PCDHGA9: variants seen among roughly 807,000 people sequenced by gnomAD.
PCDHGA9 encodes the protein protocadherin gamma-A9.
A neutral mutation model predicts 62.5 loss-of-function variants in PCDHGA9; 37 were observed. That is an observed-to-expected ratio of 0.59 (90% CI 0.46 to 0.78). The LOEUF is 0.78. Ranked by LOEUF, PCDHGA9 falls within the 30% of genes least tolerant of loss-of-function variation. The pLI is 0.00. For synonymous variants in PCDHGA9, 459 were observed against 484.6 expected, an observed-to-expected ratio of 0.95 and a Z score of 0.69; for missense variants, 1,138 against 1,166.2, an observed-to-expected ratio of 0.98 and a Z score of 0.35.
At chr5:141,433,040 A>G in intron 1 of PCDHGA9, 1 of 1,614,086 alleles carries the variant, frequency 6.2e-7, no homozygotes, top group Non-Finnish European at 8.5e-7. Flanking sequence ...TTCCCTCACC[A>G]CGGACTCGCG....
rs895234762 is a variant in PCDHGA9 at position 141,476,911 on chromosome 5, A to G, written c.2425-17896A>G. 4 of 1,613,972 alleles carry G rather than the reference A, an allele frequency of 2.5e-6. No individual in the cohort carries two copies. The African/African-American group carries it at 4.0e-5, about 16-fold the overall frequency. On this transcript the variant is annotated intron_variant, in intron 1 of 3. Transcript: ENST00000573521. This position sits in a 1 kb window ranked among gnomAD's most constrained non-coding sequence, Gnocchi z 7.6. ...CACCCTCCGGCACGCGCGTGGTACA[A>G]GTCCTTGCAACGGATCTGGATGAAG...
At chr5:141,426,004 C>T (rs573455573) in intron 1 of PCDHGA9, among the ~76,000 whole-genome samples, 10 of 152,264 alleles carry the variant, frequency 6.6e-5, no homozygotes, top group Non-Finnish European at 8.8e-5. Flanking sequence ...CAAAGGCTTC[C>T]GGCTGCAGTT....
intron 1 of PCDHGA9, chr5:141,409,290 G>T: frequency 6.2e-7 from 1 of 1,613,974 alleles, no homozygotes; most frequent in Non-Finnish European, 8.5e-7. Flanking sequence ...TCACCTCCAG[G>T]AATGGTTGTT....
chr5:141,409,060 G>C (rs1464240645), intron 1 of PCDHGA9: 1 of 1,614,000 alleles, frequency 6.2e-7, no homozygotes, highest in Non-Finnish European at 8.5e-7. Flanking sequence ...GCACTGCCCA[G>C]AGCACAAAAC....
In PCDHGA9 at chr5:141,445,037, GT is replaced by G. The variant is rs2098454887; in HGVS notation, c.2424+39665del. 5.3e-5 allele frequency among the ~76,000 whole-genome samples: 8 copies of G among 152,072 alleles called. No homozygotes were observed. In the South Asian group the frequency reaches 1.7e-3, roughly 32 times the overall value. On this transcript the variant is annotated intron_variant, in intron 1 of 3. Transcript: ENST00000573521. ...TAATTTCTCTCAGCTATGTTGTATAGTTTTCAGTGTAGAGAGGTCATGTATA... is the reference window on the plus strand; with the variant it reads ...TAATTTCTCTCAGCTATGTTGTATAGTTTCAGTGTAGAGAGGTCATGTATA...
intron 1 of PCDHGA9, among the ~76,000 whole-genome samples, chr5:141,473,298 A>G (rs1033516450): frequency 1.3e-5 from 2 of 152,244 alleles, no homozygotes; most frequent in Non-Finnish European, 2.9e-5. Context: ...AGTAGCATAA[A>G]GATTGCTATA....
chr5:141,456,426 A>G (rs2098857765), intron 1 of PCDHGA9, among the ~76,000 whole-genome samples: 1 of 152,210 alleles, frequency 6.6e-6, no homozygotes, highest in Non-Finnish European at 1.5e-5. Context: ...AATTCAAGTT[A>G]TAGTATTGAG....
At chr5:141,497,553 T>C (rs2099777684) in intron 2 of PCDHGA9, among the ~76,000 whole-genome samples, 1 of 151,326 alleles carries the variant, frequency 6.6e-6, no homozygotes, top group South Asian at 2.1e-4. Context: ...TTTTTTTTTT[T>C]TTTTTAGACA....
Position 141,433,071 on chromosome 5 carries a change from C to T in PCDHGA9, c.2424+27695C>T, listed in dbSNP as rs2097566106. On this transcript the variant is annotated intron_variant, in intron 1 of 3. Transcript: ENST00000573521. ...TCGCGGAAGAGTCACCTGATCTTCC[C>T]CCAGCCCAACTATGCAGACATGCTC... 2.5e-6 allele frequency: 4 copies of T among 1,614,154 alleles called. No homozygotes were observed. The East Asian group carries it at 8.9e-5, about 36-fold the overall frequency.
chr5:141,444,470 C>T (rs1275997551), intron 1 of PCDHGA9, among the ~76,000 whole-genome samples: 2 of 152,058 alleles, frequency 1.3e-5, no homozygotes, highest in African/African-American at 2.4e-5. Flanking sequence ...TGCGCCCGGT[C>T]GCGTACTGGA....
At chr5:141,409,898 G>A in intron 1 of PCDHGA9, 1 of 1,613,240 alleles carries the variant, frequency 6.2e-7, no homozygotes, top group Non-Finnish European at 8.5e-7. Flanking sequence ...GCTGTACCCA[G>A]CTCTGGGTCC....
At chr5:141,421,531 T>G (rs1318944446) in intron 1 of PCDHGA9, 1 of 1,613,904 alleles carries the variant, frequency 6.2e-7, no homozygotes, top group Non-Finnish European at 8.5e-7. Flanking sequence ...GACGGTGTCC[T>G]CCTGTTTTTT....
intron 2 of PCDHGA9, among the ~76,000 whole-genome samples, chr5:141,502,908 C>G (rs1398336138): frequency 1.5e-5 from 2 of 132,418 alleles, no homozygotes; most frequent in Non-Finnish European, 3.0e-5. Flanking sequence ...TGTTGCCAGG[C>G]TGGAGTGCAG....
chr5:141,486,823 A>G lies in PCDHGA9; in HGVS notation c.2425-7984A>G, dbSNP rs778308736. On this transcript the variant is annotated intron_variant, in intron 1 of 3. Coordinates refer to ENST00000573521, the MANE Select transcript of PCDHGA9 (RefSeq NM_018921.3). The surrounding 1 kb of genome is among the most constrained non-coding windows in gnomAD (Gnocchi z 5.0). Reference sequence around the variant, plus strand: ...ACCCACCCCTTAGCAGCACTGTAACAGTTCGTCTATTTGTGCTGGACCTCA... The same window carrying G: ...ACCCACCCCTTAGCAGCACTGTAACGGTTCGTCTATTTGTGCTGGACCTCA... 1.2e-6 allele frequency: 2 copies of G among 1,614,104 alleles called. No individual in the cohort carries two copies. Among genetic ancestry groups the G allele is most frequent in the Admixed American group, 1.7e-5 (1 of 60,008 alleles).
rs1298448753 is a variant in PCDHGA9 at position 141,486,417 on chromosome 5, G to A, written c.2425-8390G>A. 1 of 1,614,132 alleles carries A rather than the reference G, an allele frequency of 6.2e-7. No individual in the cohort carries two copies. Among genetic ancestry groups the A allele is most frequent in the Non-Finnish European group, 8.5e-7 (1 of 1,179,998 alleles). ...CTGGTGACTGCTGGACCCTTGGATC[G>A]AGAGGCCAAATCTAGCTATGACATC... On this transcript the variant is annotated intron_variant, in intron 1 of 3. Transcript: ENST00000573521. The surrounding 1 kb of genome is among the most constrained non-coding windows in gnomAD (Gnocchi z 5.0).
chr5:141,473,147 T>A (rs2099315103), intron 1 of PCDHGA9, among the ~76,000 whole-genome samples: 1 of 152,222 alleles, frequency 6.6e-6, no homozygotes, highest in Admixed American at 6.5e-5. Flanking sequence ...TCTCTTCAGA[T>A]CACTAGGGCT....
In PCDHGA9 at chr5:141,502,866, C is replaced by CTTTTTTTTTTTT. The variant is rs549047197; in HGVS notation, c.2484-2524_2484-2513dup. 2.4e-4 allele frequency among the ~76,000 whole-genome samples: 31 copies of CTTTTTTTTTTTT among 128,008 alleles called. 3 individuals are homozygous for CTTTTTTTTTTTT. Among genetic ancestry groups the CTTTTTTTTTTTT allele is most frequent in the African/African-American group, 3.4e-4 (11 of 32,350 alleles). 84.0% of individuals were successfully genotyped at this position (128,008 alleles called of 152,430 possible). ...GAGCTGCCTAACCCTGACTCTCTGT[C>CTTTTTTTTTTTT]TTTTTTTTTTTTTTGACAGGGAGTC... is the stretch of plus-strand genomic sequence containing the variant. On this transcript the variant is annotated intron_variant, in intron 2 of 3. Transcript: ENST00000573521.
At position 141,431,368 on chromosome 5, in the gene PCDHGA9, A is replaced by G; in HGVS notation, c.2424+25992A>G. On this transcript the variant is annotated intron_variant, in intron 1 of 3. Coordinates refer to ENST00000573521, the MANE Select transcript of PCDHGA9 (RefSeq NM_018921.3). The surrounding 1 kb of genome is among the most constrained non-coding windows in gnomAD (Gnocchi z 4.8). ...TGCTGAAACGCGCCCTGGACCGCGA[A>G]GAAAAGGCTGCTCACCACCTGGTCC... 1.9e-6 allele frequency: 3 copies of G among 1,614,002 alleles called. No individual in the cohort carries two copies. The highest frequency in any genetic ancestry group is 2.5e-6 in the Non-Finnish European group (3 of 1,180,034).
Position 141,476,301 on chromosome 5 carries a change from C to T in PCDHGA9, c.2425-18506C>T. On this transcript the variant is annotated intron_variant, in intron 1 of 3. Transcript: ENST00000573521. The surrounding 1 kb of genome is among the most constrained non-coding windows in gnomAD (Gnocchi z 7.6). ...CTTGGTTTGGATCTCGGTAGCCTCT[C>T]AGCCCGCAGGTTCCGGGTGGTGTCT... is the stretch of plus-strand genomic sequence containing the variant. The T allele has an allele frequency of 1.9e-6, 3 of 1,613,778 alleles. No homozygotes were observed. The highest frequency in any genetic ancestry group is 2.5e-6 in the Non-Finnish European group (3 of 1,179,908).
Sources: allele counts gnomAD v4.1 joint callset (sites outside exome capture counted in the v4.1 genomes callset), GRCh38; gene constraint gnomAD v4.1.1; non-coding constraint Gnocchi (gnomAD v3.1); transcripts MANE v1.5; gene names NCBI Gene and HGNC (gene_info 2026-07-23, HGNC 2026-07-21).